TRAPPC8: variants seen among roughly 807,000 people sequenced by gnomAD.
The protein encoded by TRAPPC8 is trafficking protein particle complex subunit 8.
Under a neutral mutation model 174.3 loss-of-function variants are expected in TRAPPC8, and 54 were observed. That is an observed-to-expected ratio of 0.31 (90% CI 0.25 to 0.39). The LOEUF is 0.39. Ranked by LOEUF, TRAPPC8 falls within the 10% of genes least tolerant of loss-of-function variation. The pLI, the probability that TRAPPC8 is intolerant of heterozygous loss-of-function variation, is 1.00. For missense variants in TRAPPC8, 1,531 were observed against 1,699.1 expected, an observed-to-expected ratio of 0.90 and a Z score of 1.74; for synonymous variants, 630 against 579.9, an observed-to-expected ratio of 1.09 and a Z score of -1.24.
intron 12 of TRAPPC8, among the ~76,000 whole-genome samples, chr18:31,880,112 TATATA>T (rs2035364966): frequency 4.4e-5 from 4 of 90,866 alleles, no homozygotes; most frequent in African/African-American, 1.8e-4. Flanking sequence ...TATATATATA[TATATA>T]TATATTTTTT....
chr18:31,914,065 A>T (rs1489278866), intron 4 of TRAPPC8, among the ~76,000 whole-genome samples: 1 of 141,766 alleles, frequency 7.1e-6, no homozygotes, highest in Non-Finnish European at 1.5e-5. Flanking sequence ...CAGGAGGCTG[A>T]GGTGGGAAGA....
Position 31,830,612 on chromosome 18 carries a change from A to G in TRAPPC8, c.*143T>C. ...TTCTCAGTCCAACGTGCTTTGCATC[A>G]TCAACAAAATGACAAGTCAAAGTAT... On this transcript the variant is annotated 3_prime_UTR_variant, in exon 29 of 29. Coordinates refer to ENST00000283351, the MANE Select transcript of TRAPPC8 (RefSeq NM_014939.5). The G allele has an allele frequency of 1.5e-6, 1 of 673,684 alleles. No individual in the cohort carries two copies. Among genetic ancestry groups the G allele is most frequent in the Admixed American group, 3.0e-5 (1 of 33,102 alleles). The allele number at this position is 673,684 out of a possible 1,614,324, so 41.7% of individuals were successfully genotyped here.
chr18:31,840,911 TAAA>T (rs35355808), intron 26 of TRAPPC8, among the ~76,000 whole-genome samples: 3 of 136,532 alleles, frequency 2.2e-5, no homozygotes. Flanking sequence ...GGGCTACTGG[TAAA>T]AAAAAAAAAA....
chr18:31,850,447 A>G (rs1356224343), intron 24 of TRAPPC8, among the ~76,000 whole-genome samples: 1 of 152,250 alleles, frequency 6.6e-6, no homozygotes, highest in Non-Finnish European at 1.5e-5. Flanking sequence ...CCAATGAAGC[A>G]GAATGCAAAT....
At chr18:31,897,470 AG>A (rs1175524870) in intron 11 of TRAPPC8, among the ~76,000 whole-genome samples, 3 of 152,240 alleles carry the variant, frequency 2.0e-5, no homozygotes, top group African/African-American at 7.2e-5. Flanking sequence ...ATTTTATATT[AG>A]GAACAATGCA....
intron 19 of TRAPPC8, among the ~76,000 whole-genome samples, chr18:31,864,262 A>G (rs2034480709): frequency 6.6e-6 from 1 of 151,824 alleles, no homozygotes; most frequent in South Asian, 2.1e-4. Flanking sequence ...AAGGTGAAAT[A>G]CTGCTTTTTA....
chr18:31,915,276 C>T (rs1227986666), intron 4 of TRAPPC8, among the ~76,000 whole-genome samples: 3 of 149,662 alleles, frequency 2.0e-5, no homozygotes, highest in Non-Finnish European at 4.4e-5. Context: ...GCCTGGCCTA[C>T]GTGGTGAAAC....
chr18:31,939,785 G>GT (rs1267156960), intron 1 of TRAPPC8: 6 of 152,204 alleles, frequency 3.9e-5, no homozygotes, highest in African/African-American at 1.2e-4. Flanking sequence ...AACCTGGGAA[G>GT]TTGAGGCTGC....
At chr18:31,864,872 AT>A in intron 18 of TRAPPC8, 91 bp from the exon 19 acceptor site, 3 of 1,161,812 alleles carry the variant, frequency 2.6e-6, no homozygotes, top group Non-Finnish European at 3.5e-6. Flanking sequence ...TAAGTTTCAG[AT>A]TATTTCTAGA....
chr18:31,852,410 AC>A, intron 24 of TRAPPC8, 35 bp downstream of exon 24: 1 of 1,610,054 alleles, frequency 6.2e-7, no homozygotes, highest in Non-Finnish European at 8.5e-7. Flanking sequence ...TATAACTATG[AC>A]TTAACATCAA....
At chr18:31,897,695 T>C (rs2036238708) in intron 11 of TRAPPC8, 91 bp downstream of exon 11, 1 of 919,174 alleles carries the variant, frequency 1.1e-6, no homozygotes, top group Non-Finnish European at 1.5e-6. Context: ...GCTAATTTTA[T>C]GTTTTGTAAA....
intron 10 of TRAPPC8, among the ~76,000 whole-genome samples, chr18:31,899,671 G>C (rs1022082666): frequency 3.9e-5 from 6 of 152,182 alleles, no homozygotes. Context: ...CATGGGCCTG[G>C]CGCGGTGGCT....
In TRAPPC8 at chr18:31,911,756, CAAAA is replaced by C. The variant is rs71177805; in HGVS notation, c.771+1609_771+1612del. Among the ~76,000 whole-genome samples, 73 of 62,950 alleles carry C rather than the reference CAAAA, an allele frequency of 1.2e-3. No homozygotes were observed. The East Asian group carries it at 0.032, about 27-fold the overall frequency. The allele number at this position is 62,950 out of a possible 152,430, so 41.3% of individuals were successfully genotyped here. A position where few individuals can be genotyped will look rare whatever the true frequency, so the allele number is the denominator to read the frequency against. ...TGGGCGATAGAGTAAGACTCCGTCT[CAAAA>C]AAAAAAAAAAAAAAAAAAAAGAATT... On this transcript the variant is annotated intron_variant, in intron 5 of 28. Coordinates refer to ENST00000283351, the MANE Select transcript of TRAPPC8 (RefSeq NM_014939.5).
chr18:31,840,516 ATTTGATTTATAAT>A (rs2033033553), intron 26 of TRAPPC8, among the ~76,000 whole-genome samples: 1 of 151,878 alleles, frequency 6.6e-6, no homozygotes, highest in African/African-American at 2.4e-5. Flanking sequence ...CCAGGAGAAT[ATTTGATTTATAAT>A]TTTCTGATAG....
intron 2 of TRAPPC8, among the ~76,000 whole-genome samples, chr18:31,923,071 G>A (rs891377730): frequency 6.6e-6 from 1 of 152,026 alleles, no homozygotes; most frequent in African/African-American, 2.4e-5. Context: ...GGTAAGGAAG[G>A]GTAATATGGT....
rs1205804139 is a variant in TRAPPC8, at chr18:31,893,246, G to A, written c.1597-2380C>T. Among the ~76,000 whole-genome samples the A allele has an allele frequency of 2.6e-5, 4 of 152,100 alleles. No homozygotes were observed. In the East Asian group the frequency reaches 7.7e-4, roughly 29 times the overall value. ...TTTGCAAATAGTATTTTCCAGTTTT[G>A]ACATGAAAGAGTTTATTCTTTTGCA... On this transcript the variant is annotated intron_variant, in intron 11 of 28. Coordinates refer to ENST00000283351, the MANE Select transcript of TRAPPC8 (RefSeq NM_014939.5).
rs764624138 is a variant in TRAPPC8, at chr18:31,942,689, C to G, written c.76G>C (p.Asp26His). ...FVPCVAALCSDEAERLTRLNH... is the reference protein window; with the variant it reads ...FVPCVAALCSHEAERLTRLNH... ...AGACGAGTGAGCCGCTCGGCTTCGT[C>G]GCTGCACAGCGCAGCGACACAGGGG... The change falls in exon 1 of 29, where the codon GAC (aspartate) becomes CAC (histidine). Residue 26 changes from aspartate to histidine, a missense_variant. Physicochemically the swap from Asp to His is moderately conservative, Grantham distance 81. Transcript: ENST00000283351. 7 of 1,608,136 alleles carry G rather than the reference C, an allele frequency of 4.4e-6. No individual in the cohort carries two copies. The highest frequency in any genetic ancestry group is 2.2e-5 in the South Asian group (2 of 90,178).
intron 12 of TRAPPC8, among the ~76,000 whole-genome samples, chr18:31,880,121 A>ATATATATT (rs1239258266): frequency 1.4e-5 from 1 of 69,060 alleles, no homozygotes; most frequent in Non-Finnish European, 2.9e-5. Flanking sequence ...ATATATATAT[A>ATATATATT]TTTTTTTTTT....
chr18:31,908,689 A>T, intron 7 of TRAPPC8, 65 bp downstream of exon 7: 2 of 1,407,932 alleles, frequency 1.4e-6, no homozygotes, highest in Non-Finnish European at 1.9e-6. Context: ...AAATACGTTT[A>T]ATAATTCTTA....
Sources: gnomAD v4.1 joint callset for allele counts (sites outside exome capture counted in the v4.1 genomes callset) on GRCh38, gnomAD v4.1.1 for gene constraint, MANE v1.5 for transcripts, NCBI Gene and HGNC (gene_info 2026-07-23, HGNC 2026-07-21) for gene names.